FARSB: variants seen among roughly 807,000 people sequenced by gnomAD.
FARSB encodes the protein phenylalanine--tRNA ligase beta subunit.
FARSB carries 40 observed loss-of-function variants against 69.6 expected under a neutral mutation model. The observed-to-expected ratio is 0.57, with a 90% confidence interval of 0.45 to 0.75. FARSB has a LOEUF of 0.75. Among genes scored for constraint, FARSB ranks in the 30% least tolerant of loss-of-function variants. FARSB has a pLI of 0.00. For synonymous variants in FARSB, 235 were observed against 247.2 expected, an observed-to-expected ratio of 0.95 and a Z score of 0.46; for missense variants, 632 against 722.9, an observed-to-expected ratio of 0.87 and a Z score of 1.44.
intron 16 of FARSB, among the ~76,000 whole-genome samples, chr2:222,589,493 A>C (rs1172999301): frequency 1.3e-5 from 2 of 151,906 alleles, no homozygotes; most frequent in Admixed American, 1.3e-4. Flanking sequence ...CAATGGCAAC[A>C]AAAGCCAAAA....
rs570688593 is a variant in FARSB, at chr2:222,602,613, C to CT, written c.1463-2531dup. ...ACCATATTATCCAGTAATTCTACTTCTTTTTTTTTTAATTTTATTATTATT... is the reference window on the plus strand; with the variant it reads ...ACCATATTATCCAGTAATTCTACTTCTTTTTTTTTTTAATTTTATTATTATT... On this transcript the variant is annotated intron_variant, in intron 15 of 16. Coordinates refer to ENST00000281828, the MANE Select transcript of FARSB (RefSeq NM_005687.5). Among the ~76,000 whole-genome samples, 250 of 146,498 alleles carry CT rather than the reference C, an allele frequency of 1.7e-3. 1 individual carries two copies. Among genetic ancestry groups the CT allele is most frequent in the Admixed American group, 0.013 (187 of 14,710 alleles).
intron 15 of FARSB, among the ~76,000 whole-genome samples, chr2:222,606,653 A>G (rs1574928208): frequency 6.6e-6 from 1 of 152,252 alleles, no homozygotes; most frequent in East Asian, 1.9e-4. Flanking sequence ...TGATTTTTTA[A>G]CAGAAAAGAA....
At chr2:222,577,061 G>GT (rs1348616813) in intron 16 of FARSB, among the ~76,000 whole-genome samples, 1 of 152,106 alleles carries the variant, frequency 6.6e-6, no homozygotes, top group African/African-American at 2.4e-5. Flanking sequence ...TACAATGTAG[G>GT]TAAGACATTA....
chr2:222,613,631 G>A (rs910977038), intron 15 of FARSB, among the ~76,000 whole-genome samples, 180 bp downstream of exon 15: 3 of 152,204 alleles, frequency 2.0e-5, no homozygotes, highest in African/African-American at 7.2e-5. Flanking sequence ...AATAATATGG[G>A]AAGTTGATAG....
At chr2:222,591,489 T>C (rs974749887) in intron 16 of FARSB, among the ~76,000 whole-genome samples, 2 of 152,166 alleles carry the variant, frequency 1.3e-5, no homozygotes, top group African/African-American at 4.8e-5. Flanking sequence ...ATATGATGAG[T>C]TGGTATTGCT....
At chr2:222,576,688 C>T (rs1241782659) in intron 16 of FARSB, among the ~76,000 whole-genome samples, 1 of 152,104 alleles carries the variant, frequency 6.6e-6, no homozygotes, top group African/African-American at 2.4e-5. Flanking sequence ...AAAACATCTC[C>T]AGTGTTCCAT....
rs1691944774 is a variant in FARSB, at chr2:222,648,805, TAAAAA to T, written c.59-15_59-11del. The T allele has an allele frequency of 1.3e-6, 2 of 1,585,660 alleles. No individual in the cohort carries two copies. The highest frequency in any genetic ancestry group is 1.7e-6 in the Non-Finnish European group (2 of 1,154,450). On this transcript the variant is annotated splice_polypyrimidine_tract_variant and intron_variant, in intron 1 of 16. Coordinates refer to ENST00000281828, the MANE Select transcript of FARSB (RefSeq NM_005687.5). ...TCAAATTCTTCGTCAGCTAGGAAAA[TAAAAA>T]AGGAGATGGTTAATTTCACTCTGTT...
chr2:222,593,816 C>T (rs370499251), intron 16 of FARSB, among the ~76,000 whole-genome samples: 1 of 151,736 alleles, frequency 6.6e-6, no homozygotes, highest in African/African-American at 2.4e-5. Context: ...GTGGTGATGG[C>T]GCTACTGCAC....
At chr2:222,597,249 A>G (rs1048108174) in intron 16 of FARSB, among the ~76,000 whole-genome samples, 1 of 152,198 alleles carries the variant, frequency 6.6e-6, no homozygotes, top group Non-Finnish European at 1.5e-5. Context: ...CATTTCATAC[A>G]TGGAAAAACT....
At chr2:222,627,433 C>T (rs570208579) in intron 10 of FARSB, among the ~76,000 whole-genome samples, 1 of 152,294 alleles carries the variant, frequency 6.6e-6, no homozygotes, top group South Asian at 2.1e-4. Context: ...TGAGTGAGGC[C>T]ATCCCAGATC....
rs1388479946 is a variant in FARSB at position 222,567,007 on chromosome 2, G to A, written c.*4864C>T. Reference sequence around the variant, plus strand: ...CTGATCCCTCTCCTAGCTTGCTGGTGGCCACCATGTTGCTGTGTGGTCATA... The same window carrying A: ...CTGATCCCTCTCCTAGCTTGCTGGTAGCCACCATGTTGCTGTGTGGTCATA... On this transcript the variant is annotated 3_prime_UTR_variant, in exon 17 of 17. Transcript: ENST00000281828. The A allele has an allele frequency of 6.6e-6, 1 of 152,164 alleles. No homozygotes were observed. Among genetic ancestry groups the A allele is most frequent in the East Asian group, 1.9e-4 (1 of 5,184 alleles). The allele number at this position is 152,164 out of a possible 1,614,324, so 9.4% of individuals were successfully genotyped here.
intron 15 of FARSB, among the ~76,000 whole-genome samples, chr2:222,601,983 A>G (rs994518493): frequency 3.3e-5 from 5 of 152,214 alleles, no homozygotes; most frequent in African/African-American, 4.8e-5. Flanking sequence ...TTTAAAAAAG[A>G]ATTCCAACAG....
At chr2:222,653,943 A>G (rs1420835537) in intron 1 of FARSB, among the ~76,000 whole-genome samples, 1 of 152,190 alleles carries the variant, frequency 6.6e-6, no homozygotes, top group Non-Finnish European at 1.5e-5. Flanking sequence ...AGTAGCTAAC[A>G]AACACATATT....
chr2:222,655,818 G>C (rs753850559), intron 1 of FARSB, among the ~76,000 whole-genome samples, 198 bp downstream of exon 1: 1 of 152,292 alleles, frequency 6.6e-6, no homozygotes, highest in Non-Finnish European at 1.5e-5. Context: ...GGCACAAGCA[G>C]TGGCACCGCT....
chr2:222,614,046 TG>T (rs1690934903), intron 14 of FARSB, 118 bp from the exon 15 acceptor site: 1 of 528,398 alleles, frequency 1.9e-6, no homozygotes. Flanking sequence ...TTCTGGAAAA[TG>T]CATTGCCCTA....
intron 10 of FARSB, among the ~76,000 whole-genome samples, chr2:222,626,659 A>G (rs1691283201): frequency 6.6e-6 from 1 of 152,228 alleles, no homozygotes; most frequent in African/African-American, 2.4e-5. Flanking sequence ...TGAGGAGAAG[A>G]GTGAACCAAA....
chr2:222,602,836 T>C (rs912559950), intron 15 of FARSB, among the ~76,000 whole-genome samples: 5 of 152,280 alleles, frequency 3.3e-5, no homozygotes, highest in African/African-American at 1.2e-4. Context: ...TAACATTTTC[T>C]ACAAATAATA....
At chr2:222,649,912 A>T (rs949667509) in intron 1 of FARSB, among the ~76,000 whole-genome samples, 78 of 152,346 alleles carry the variant, frequency 5.1e-4, no homozygotes, top group Non-Finnish European at 1.5e-5. Flanking sequence ...ATTTCAATTT[A>T]ACATCTATGT....
intron 16 of FARSB, among the ~76,000 whole-genome samples, chr2:222,586,187 G>A (rs892317499): frequency 6.6e-6 from 1 of 152,216 alleles, no homozygotes; most frequent in African/African-American, 2.4e-5. Context: ...CAAACCAGAA[G>A]AGAGTGGGGG....
Sources: allele counts gnomAD v4.1 joint callset (sites outside exome capture counted in the v4.1 genomes callset), GRCh38; gene constraint gnomAD v4.1.1; transcripts MANE v1.5; gene names NCBI Gene and HGNC (gene_info 2026-07-23, HGNC 2026-07-21).